The following SUCLG2 variants were observed in gnomAD, a reference collection of about 807,000 sequenced individuals.
The protein encoded by SUCLG2 is succinate--CoA ligase [GDP-forming] subunit beta, mitochondrial.
A neutral mutation model predicts 47.9 loss-of-function variants in SUCLG2; 42 were observed. The ratio of observed to expected loss-of-function variants is 0.88; its 90% confidence interval spans 0.69 to 1.14. SUCLG2 has a LOEUF of 1.14. Ranked by LOEUF, SUCLG2 falls within the 50% of genes most tolerant of loss-of-function variation. The pLI is 0.00. For missense variants in SUCLG2, 571 were observed against 525.9 expected (o/e 1.09, Z -0.84); for synonymous variants, 195 against 197.3 (o/e 0.99, Z 0.10).
intron 2 of SUCLG2, among the ~76,000 whole-genome samples, chr3:67,551,392 G>C (rs899992905): frequency 6.6e-6 from 1 of 152,098 alleles, no homozygotes; most frequent in East Asian, 1.9e-4. Flanking sequence ...CTTGCTTTTC[G>C]ATAGTCTCCC....
chr3:67,502,863 T>G (rs1276728269), intron 7 of SUCLG2, among the ~76,000 whole-genome samples: 1 of 152,188 alleles, frequency 6.6e-6, no homozygotes, highest in African/African-American at 2.4e-5. Context: ...ATTTTAGGCA[T>G]CATAAATAGT....
chr3:67,381,242 A>G (rs1467004796), intron 10 of SUCLG2, among the ~76,000 whole-genome samples: 1 of 152,124 alleles, frequency 6.6e-6, no homozygotes, highest in Non-Finnish European at 1.5e-5. Context: ...AACAGCAGAG[A>G]GTGGAAACAG....
At chr3:67,372,695 G>A (rs923809693), downstream of SUCLG2, among the ~76,000 whole-genome samples, 3 of 152,126 alleles carry the variant, frequency 2.0e-5, no homozygotes, top group African/African-American at 7.2e-5. Context: ...CTCTCACAGG[G>A]TTTAAAATGG....
At position 67,540,160 on chromosome 3, in the gene SUCLG2, T is replaced by A. The variant is rs1490426576; in HGVS notation, c.227-10974A>T. Among the ~76,000 whole-genome samples, 3 of 151,790 alleles carry A rather than the reference T, an allele frequency of 2.0e-5. No individual in the cohort carries two copies. In the South Asian group the frequency reaches 6.2e-4, roughly 32 times the overall value. On this transcript the variant is annotated intron_variant, in intron 2 of 10. Coordinates refer to ENST00000307227, the MANE Select transcript of SUCLG2 (RefSeq NM_003848.4). ...TTAATTGTGATGTTAGGGTGTCGAT[T>A]TTAGCTCTTTCTTGCTTTCTCCTGT...
intron 10 of SUCLG2, among the ~76,000 whole-genome samples, chr3:67,387,982 C>T (rs142917500): frequency 2.8e-3 from 430 of 151,810 alleles, no homozygotes; most frequent in African/African-American, 9.7e-3. Flanking sequence ...ATGGAAAAAA[C>T]TAACAACATA....
chr3:67,424,109 G>A (rs889671670), intron 9 of SUCLG2, among the ~76,000 whole-genome samples: 1 of 152,214 alleles, frequency 6.6e-6, no homozygotes, highest in African/African-American at 2.4e-5. Context: ...TTCAAAAAAG[G>A]TCAGTGAATG....
intron 9 of SUCLG2, among the ~76,000 whole-genome samples, chr3:67,469,552 A>G (rs1704553335): frequency 6.6e-6 from 1 of 151,394 alleles, no homozygotes; most frequent in Admixed American, 6.6e-5. Context: ...ACATGGTGAA[A>G]CCCCGTCTCT....
At chr3:67,450,218 AT>A (rs1034704065) in intron 9 of SUCLG2, among the ~76,000 whole-genome samples, 3 of 151,826 alleles carry the variant, frequency 2.0e-5, no homozygotes, top group African/African-American at 7.3e-5. Context: ...ACTTTTAAAT[AT>A]TTTTTTGAGA....
intron 1 of SUCLG2, among the ~76,000 whole-genome samples, chr3:67,648,774 A>C (rs1194565656): frequency 3.3e-5 from 5 of 152,110 alleles, no homozygotes; most frequent in African/African-American, 1.2e-4. Context: ...CATTTGCTGA[A>C]ATGAGCCACA....
intron 2 of SUCLG2, among the ~76,000 whole-genome samples, chr3:67,601,956 G>A (rs778060299): frequency 1.1e-4 from 16 of 151,642 alleles, no homozygotes; most frequent in African/African-American, 2.2e-4. Flanking sequence ...AACTCCAGCC[G>A]GGGCGACAGA....
Position 67,400,294 on chromosome 3 carries a change from T to A in SUCLG2, c.1183+437A>T, listed in dbSNP as rs559407583. ...AATATACAAATTATTTTTTAAGAGTTATTTTTTAAATTCCAAGTAATTTCA... is the reference window on the plus strand; with the variant it reads ...AATATACAAATTATTTTTTAAGAGTAATTTTTTAAATTCCAAGTAATTTCA... On this transcript the variant is annotated intron_variant, in intron 10 of 10. Transcript: ENST00000307227. 1.8e-3 allele frequency among the ~76,000 whole-genome samples: 272 copies of A among 152,064 alleles called. 1 individual carries two copies. The highest frequency in any genetic ancestry group is 6.3e-3 in the African/African-American group (262 of 41,532).
At chr3:67,612,417 T>C (rs1307263021) in intron 1 of SUCLG2, among the ~76,000 whole-genome samples, 4 of 116,660 alleles carry the variant, frequency 3.4e-5, no homozygotes, top group African/African-American at 1.6e-4. Flanking sequence ...TACTTCTGCA[T>C]TCTCAGTTGT....
Position 67,395,563 on chromosome 3 carries a change from A to G in SUCLG2, c.1183+5168T>C, listed in dbSNP as rs146715065. Among the ~76,000 whole-genome samples, 999 of 152,302 alleles carry G rather than the reference A, an allele frequency of 6.6e-3. 7 individuals carry two copies. The highest frequency in any genetic ancestry group is 0.023 in the African/African-American group (948 of 41,558). On this transcript the variant is annotated intron_variant, in intron 10 of 10. Transcript: ENST00000307227. ...CTACAAAGAGACTTACTCCCACACA[A>G]TAATAATGGGAGACTTTAACACCTC...
chr3:67,649,149 A>G (rs759592387), intron 1 of SUCLG2, among the ~76,000 whole-genome samples: 4 of 152,210 alleles, frequency 2.6e-5, no homozygotes, highest in Non-Finnish European at 5.9e-5. Flanking sequence ...GAGATCAGGC[A>G]ATGAATGATC....
chr3:67,572,429 G>A (rs983597832), intron 2 of SUCLG2, among the ~76,000 whole-genome samples: 8 of 152,170 alleles, frequency 5.3e-5, no homozygotes, highest in Admixed American at 3.3e-4. Flanking sequence ...TAGTTCTTTA[G>A]CCTATAAATA....
chr3:67,380,165 A>ATT (rs35629133), intron 10 of SUCLG2, among the ~76,000 whole-genome samples: 44 of 141,644 alleles, frequency 3.1e-4, no homozygotes, highest in Admixed American at 4.2e-4. Context: ...ATCAGGAGGG[A>ATT]TTTTTTTTTT....
At chr3:67,485,030 T>A (rs2107027111) in intron 9 of SUCLG2, among the ~76,000 whole-genome samples, 1 of 152,280 alleles carries the variant, frequency 6.6e-6, no homozygotes, top group African/African-American at 2.4e-5. Context: ...CTCACTGACC[T>A]GAATATACCA....
chr3:67,563,143 T>A (rs551105052), intron 2 of SUCLG2, among the ~76,000 whole-genome samples: 1 of 151,072 alleles, frequency 6.6e-6, no homozygotes, highest in African/African-American at 2.4e-5. Flanking sequence ...ATACATTTTT[T>A]AATGTATTCT....
chr3:67,586,964 C>T (rs1708037412), intron 2 of SUCLG2, among the ~76,000 whole-genome samples: 1 of 152,160 alleles, frequency 6.6e-6, no homozygotes, highest in Non-Finnish European at 1.5e-5. Context: ...ATCATCATCA[C>T]TATCAGACAG....
Sources: gnomAD v4.1 joint callset for allele counts (sites outside exome capture counted in the v4.1 genomes callset) on GRCh38, gnomAD v4.1.1 for gene constraint, MANE v1.5 for transcripts, NCBI Gene and HGNC (gene_info 2026-07-23, HGNC 2026-07-21) for gene names.